Variants in SAMMSON observed in about 807,000 individuals in gnomAD.
SAMMSON encodes survival associated mitochondrial melanoma specific oncogenic non-coding RNA, also known as long intergenic non-protein coding RNA 1212.
At chr3:70,195,827 A>T (rs1444624743) in intron 4 of SAMMSON, among the ~76,000 whole-genome samples, 1 of 152,216 alleles carries the variant, frequency 6.6e-6, no homozygotes, top group Non-Finnish European at 1.5e-5. Context: ...TTTAACCTAG[A>T]TGTGTTTTCA....
chr3:70,325,980 T>C (rs1349912666), intron 7 of SAMMSON, among the ~76,000 whole-genome samples: 1 of 152,172 alleles, frequency 6.6e-6, no homozygotes, highest in Non-Finnish European at 1.5e-5. Context: ...TTATTTTATC[T>C]CATCTTTCAC....
chr3:70,380,903 A>G (rs1293274357), intron 9 of SAMMSON, among the ~76,000 whole-genome samples: 10 of 152,142 alleles, frequency 6.6e-5, no homozygotes, highest in East Asian at 1.9e-4. Flanking sequence ...ATAGTATTCC[A>G]TGGTGTATAT....
In SAMMSON at chr3:70,154,923, G is replaced by C. The variant is rs573958821; in HGVS notation, n.507+83358G>C. On this transcript the variant is annotated intron_variant and non_coding_transcript_variant, in intron 4 of 9. Coordinates refer to ENST00000642114, the Ensembl canonical transcript of SAMMSON. ...TTGGGGAGGCAATATCTAAAGGGTA[G>C]GGGTTCATGACATGAAACAGAATAA... 7.2e-5 allele frequency among the ~76,000 whole-genome samples: 11 copies of C among 151,984 alleles called. No homozygotes were observed. In the South Asian group the frequency reaches 1.5e-3, roughly 20 times the overall value.
intron 3 of SAMMSON, among the ~76,000 whole-genome samples, chr3:70,044,444 C>T (rs936547409): frequency 1.3e-5 from 2 of 151,914 alleles, no homozygotes; most frequent in African/African-American, 2.4e-5. Flanking sequence ...GTGGTATGTA[C>T]CTAGGTAATG....
chr3:70,020,649 C>T (rs945521995), intron 3 of SAMMSON, among the ~76,000 whole-genome samples: 4 of 152,088 alleles, frequency 2.6e-5, no homozygotes, highest in African/African-American at 9.7e-5. Flanking sequence ...TTCTAATCAT[C>T]TGATTGAGCC....
At chr3:70,317,879 T>G (rs1386901636) in intron 7 of SAMMSON, among the ~76,000 whole-genome samples, 1 of 151,876 alleles carries the variant, frequency 6.6e-6, no homozygotes, top group African/African-American at 2.4e-5. Flanking sequence ...TAAAAATGTC[T>G]TTAGTTCACT....
intron 2 of SAMMSON, among the ~76,000 whole-genome samples, chr3:70,434,067 C>G (rs988600882): frequency 2.6e-5 from 4 of 152,170 alleles, no homozygotes; most frequent in African/African-American, 9.7e-5. Flanking sequence ...ATTCTTGAAG[C>G]TGGGTTATAA....
chr3:70,386,771 A>G lies in SAMMSON; in HGVS notation n.914-2803A>G, dbSNP rs1703126031. ...TAGACCTTTTTATTTACCTTCTAACAGATAATATAGGGTAAAGGAAGGTGG... is the reference window on the plus strand; with the variant it reads ...TAGACCTTTTTATTTACCTTCTAACGGATAATATAGGGTAAAGGAAGGTGG... On this transcript the variant is annotated intron_variant and non_coding_transcript_variant, in intron 9 of 9. Coordinates refer to ENST00000642114, the Ensembl canonical transcript of SAMMSON. Among the ~76,000 whole-genome samples, 3 of 152,134 alleles carry G rather than the reference A, an allele frequency of 2.0e-5. No homozygotes were observed. In the South Asian group the frequency reaches 6.2e-4, roughly 31 times the overall value.
At chr3:70,215,772 A>G (rs1165018291) in intron 4 of SAMMSON, among the ~76,000 whole-genome samples, 1 of 152,150 alleles carries the variant, frequency 6.6e-6, no homozygotes, top group Non-Finnish European at 1.5e-5. Context: ...GAAAGCAAGT[A>G]ATAAATACAT....
intron 4 of SAMMSON, among the ~76,000 whole-genome samples, chr3:70,210,679 T>G (rs1701334366): frequency 6.6e-6 from 1 of 152,144 alleles, no homozygotes; most frequent in East Asian, 1.9e-4. Flanking sequence ...ATATTTGGGA[T>G]GTTATTCATA....
exon 9 of SAMMSON, chr3:70,358,322 T>C (rs1051145127): frequency 3.3e-5 from 5 of 152,182 alleles, no homozygotes; most frequent in Non-Finnish European, 7.4e-5. Flanking sequence ...TGACTTCATA[T>C]TGGTAAGTTG....
At chr3:70,180,356 C>A (rs1701042904) in intron 4 of SAMMSON, among the ~76,000 whole-genome samples, 1 of 152,030 alleles carries the variant, frequency 6.6e-6, no homozygotes, top group African/African-American at 2.4e-5. Context: ...ATAATAACAA[C>A]AATAATACAA....
chr3:70,093,215 C>G (rs997736917), intron 4 of SAMMSON, among the ~76,000 whole-genome samples: 3 of 152,102 alleles, frequency 2.0e-5, no homozygotes, highest in Non-Finnish European at 4.4e-5. Flanking sequence ...CAGAATAATG[C>G]GCACTGACAG....
chr3:70,207,700 A>G (rs1482678639), intron 4 of SAMMSON, among the ~76,000 whole-genome samples: 2 of 152,122 alleles, frequency 1.3e-5, no homozygotes, highest in African/African-American at 2.4e-5. Flanking sequence ...ACAACCACTT[A>G]CATAGCATTT....
intron 9 of SAMMSON, among the ~76,000 whole-genome samples, chr3:70,388,080 T>C (rs1700999255): frequency 6.6e-6 from 1 of 152,082 alleles, no homozygotes; most frequent in African/African-American, 2.4e-5. Context: ...AAACAGGAAA[T>C]ATCGTTCTTA....
chr3:70,099,183 C>A (rs536628248), intron 4 of SAMMSON, among the ~76,000 whole-genome samples: 2 of 152,224 alleles, frequency 1.3e-5, no homozygotes, highest in African/African-American at 2.4e-5. Context: ...GATTCTTGCA[C>A]ATGTATATTT....
Position 70,402,958 on chromosome 3 carries a change from T to A in SAMMSON, n.233+44634T>A, listed in dbSNP as rs535002588. 9.7e-4 allele frequency among the ~76,000 whole-genome samples: 147 copies of A among 152,206 alleles called. 1 individual carries two copies. Among genetic ancestry groups the A allele is most frequent in the Non-Finnish European group, 1.9e-3 (132 of 68,002 alleles). On this transcript the variant is annotated intron_variant and non_coding_transcript_variant, in intron 2 of 3. Coordinates refer to the SAMMSON transcript ENST00000641053. ...ATATATATTATATATATATCATGTG[T>A]ATGATAGATATATTTTCTTAATCAA...
intron 4 of SAMMSON, among the ~76,000 whole-genome samples, chr3:70,094,018 A>G (rs989400724): frequency 2.0e-5 from 3 of 152,168 alleles, no homozygotes; most frequent in Non-Finnish European, 4.4e-5. Context: ...TCTGGGGGCC[A>G]ACATTCCTGA....
intron 3 of SAMMSON, among the ~76,000 whole-genome samples, chr3:70,035,387 C>T (rs73104062): frequency 0.058 from 8,841 of 152,116 alleles, 352 homozygotes; most frequent in South Asian, 0.13. Context: ...TTAGGTGTAC[C>T]CAGATAATCT....
Sources: allele counts gnomAD v4.1 joint callset (sites outside exome capture counted in the v4.1 genomes callset), GRCh38; gene constraint gnomAD v4.1.1; transcripts MANE v1.5; gene names NCBI Gene and HGNC (gene_info 2026-07-23, HGNC 2026-07-21).